SLC7A5: variants seen among roughly 807,000 people sequenced by gnomAD.
SLC7A5 encodes the protein solute carrier family 7 member 5, also known as large neutral amino acids transporter small subunit 1.
A neutral mutation model predicts 50.2 loss-of-function variants in SLC7A5; 23 were observed. That is an observed-to-expected ratio of 0.46 (90% CI 0.33 to 0.65). The LOEUF (loss-of-function observed/expected upper bound fraction) is 0.65, where lower values mean the gene tolerates loss of function less well. Ranked by LOEUF, SLC7A5 falls within the 30% of genes least tolerant of loss-of-function variation. SLC7A5 has a pLI of 0.02. For synonymous variants in SLC7A5, 393 were observed against 330.6 expected (o/e 1.19, Z -2.05); for missense variants, 578 against 684.4 (o/e 0.84, Z 1.73).
At chr16:87,854,123 C>T (rs373810777) in intron 1 of SLC7A5, among the ~76,000 whole-genome samples, 4 of 150,216 alleles carry the variant, frequency 2.7e-5, no homozygotes, top group East Asian at 4.0e-4. Context: ...CCAACCCAGC[C>T]GCTCCCCAAC....
At chr16:87,840,555 G>C in intron 3 of SLC7A5, 82 bp from the exon 4 acceptor site, 1 of 1,238,728 alleles carries the variant, frequency 8.1e-7, no homozygotes, top group African/African-American at 1.5e-5. Flanking sequence ...TCCCAGGGCA[G>C]CTGGTGAGCC....
At chr16:87,868,665 C>G (rs1036095301) in intron 1 of SLC7A5, among the ~76,000 whole-genome samples, 4 of 152,178 alleles carry the variant, frequency 2.6e-5, no homozygotes, top group African/African-American at 9.7e-5. Flanking sequence ...ACCCTGCTGT[C>G]CCGTCACTGA....
intron 1 of SLC7A5, among the ~76,000 whole-genome samples, chr16:87,855,976 C>T (rs1305445207): frequency 1.3e-5 from 2 of 152,168 alleles, no homozygotes; most frequent in Non-Finnish European, 2.9e-5. Context: ...CACCTGCCCC[C>T]GAGCCAGGCA....
At chr16:87,866,468 T>A (rs1244371542) in intron 1 of SLC7A5, among the ~76,000 whole-genome samples, 2 of 151,834 alleles carry the variant, frequency 1.3e-5, no homozygotes, top group Non-Finnish European at 2.9e-5. Flanking sequence ...GCCCAGCTGA[T>A]TTTTGCTTTT....
rs139595946 is a variant in SLC7A5 at position 87,835,529 on chromosome 16, G to A, written c.1291-938C>T. On this transcript the variant is annotated intron_variant, in intron 8 of 9. Transcript: ENST00000261622. ...GTTTGAGACGGAGTCTCACTCTGTCGTCCAGGCTGGAGTACAGTGGCGCGA... is the reference window on the plus strand; with the variant it reads ...GTTTGAGACGGAGTCTCACTCTGTCATCCAGGCTGGAGTACAGTGGCGCGA... 3.1e-3 allele frequency among the ~76,000 whole-genome samples: 466 copies of A among 152,308 alleles called. 1 individual carries two copies. Among genetic ancestry groups the A allele is most frequent in the African/African-American group, 0.01 (436 of 41,570 alleles).
chr16:87,845,594 G>A (rs1039802307), intron 2 of SLC7A5, among the ~76,000 whole-genome samples: 2 of 151,512 alleles, frequency 1.3e-5, no homozygotes, highest in East Asian at 1.9e-4. Flanking sequence ...TGCCTGTTTC[G>A]CTCTGGCCAT....
At position 87,834,518 on chromosome 16, in the gene SLC7A5, G is replaced by C; in HGVS notation, c.1364C>G (p.Pro455Arg). Residue 455 changes from proline (P) to arginine (R), a missense_variant, in exon 9 of 10, where the codon CCC becomes CGC. Physicochemically the swap from Pro to Arg is moderately radical, Grantham distance 103 (BLOSUM62 -2). This residue lies in a region of SLC7A5 where 465 missense variants were observed against 594.6 expected (regional missense o/e 0.78). Transcript: ENST00000261622. The stretch of plus-strand genomic sequence containing the variant: ...GGTGAAGCCGATGCCACACTCCACG[G>C]GTGTCTTCCAGAAGGAGACGGCGAT... ...FLIAVSFWKTPVECGIGFTII... is the reference protein window; with the variant it reads ...FLIAVSFWKTRVECGIGFTII... 1 of 1,596,368 alleles carries C rather than the reference G, an allele frequency of 6.3e-7. No individual in the cohort carries two copies. Among genetic ancestry groups the C allele is most frequent in the Non-Finnish European group, 8.5e-7 (1 of 1,172,870 alleles).
At chr16:87,863,143 G>A (rs543496927) in intron 1 of SLC7A5, among the ~76,000 whole-genome samples, 169 of 152,312 alleles carry the variant, frequency 1.1e-3, no homozygotes, top group Middle Eastern at 0.01. Flanking sequence ...ACACCTATGC[G>A]CTTGGAGAAG....
rs1322086698 is a variant in SLC7A5, at chr16:87,841,190, G to C, written c.665-35C>G. 7.8e-6 allele frequency: 11 copies of C among 1,405,030 alleles called. No homozygotes were observed. The highest frequency in any genetic ancestry group is 2.3e-5 in the East Asian group (1 of 43,836). The allele number at this position is 1,405,030 out of a possible 1,614,324, so 87.0% of individuals were successfully genotyped here. On this transcript the variant is annotated intron_variant, in intron 2 of 9. Coordinates refer to ENST00000261622, the MANE Select transcript of SLC7A5 (RefSeq NM_003486.7). This position sits in a 1 kb window ranked among gnomAD's most constrained non-coding sequence, Gnocchi z 4.8. ...CCAAAGAAAGGAATGCTGGGTTAGA[G>C]AGCGCTGAACAGAGGTCATGCTACC...
intron 2 of SLC7A5, among the ~76,000 whole-genome samples, chr16:87,849,958 C>T (rs1352320145): frequency 6.6e-6 from 1 of 152,232 alleles, no homozygotes; most frequent in Non-Finnish European, 1.5e-5. Context: ...ACACCTGCTG[C>T]AGACTTTGTA....
At chr16:87,834,647 A>G in intron 8 of SLC7A5, 56 bp from the exon 9 acceptor site, 1 of 1,545,478 alleles carries the variant, frequency 6.5e-7, no homozygotes, top group Non-Finnish European at 8.8e-7. Context: ...TCCCTCCCCC[A>G]TGCCCCGAGG....
rs1433662557 is a variant in SLC7A5, at chr16:87,860,653, TAC to T, written c.538+8230_538+8231del. On this transcript the variant is annotated intron_variant, in intron 1 of 9. Transcript: ENST00000261622. The surrounding 1 kb of genome is among the most constrained non-coding windows in gnomAD (Gnocchi z 4.8). ...TCCGGATAAATCTCTTCAAACATTT[TAC>T]AGAGTCTGGCTTTCTCGTTAACAAG... is the stretch of plus-strand genomic sequence containing the variant. Among the ~76,000 whole-genome samples the T allele has an allele frequency of 1.3e-5, 2 of 152,190 alleles. No individual in the cohort carries two copies. The highest frequency in any genetic ancestry group is 2.1e-4 in the South Asian group (1 of 4,836).
rs372894326 is a variant in SLC7A5 at position 87,860,399 on chromosome 16, C to CATAT, written c.538+8482_538+8485dup. Reference sequence around the variant, plus strand: ...ACACACACACACACACACACACACACATATATATATAAAGAAAAAGGAAAT... The same window carrying CATAT: ...ACACACACACACACACACACACACACATATATATATATATAAAGAAAAAGGAAAT... On this transcript the variant is annotated intron_variant, in intron 1 of 9. Transcript: ENST00000261622. This position sits in a 1 kb window ranked among gnomAD's most constrained non-coding sequence, Gnocchi z 4.8. 9.4e-5 allele frequency among the ~76,000 whole-genome samples: 7 copies of CATAT among 74,496 alleles called. No homozygotes were observed. The highest frequency in any genetic ancestry group is 2.8e-4 in the African/African-American group (5 of 18,080). 48.9% of individuals were successfully genotyped at this position (74,496 alleles called of 152,430 possible).
chr16:87,869,067 T>C lies in SLC7A5; in HGVS notation c.356A>G (p.Tyr119Cys), dbSNP rs1194892077. 2.5e-6 allele frequency: 4 copies of C among 1,611,926 alleles called. No individual in the cohort carries two copies. The highest frequency in any genetic ancestry group is 1.7e-5 in the Admixed American group (1 of 60,022). ...TISKSGGDYA[Y>C]MLEVYGSLPA... ...CAGCGAGCCGTAGACCTCCAGCATG[T>C]AGGCGTAGTCGCCGCCCGATTTGGA... is the stretch of plus-strand genomic sequence containing the variant. The change falls in exon 1 of 10, where the codon TAC (tyrosine) becomes TGC (cysteine). Residue 119 changes from tyrosine to cysteine, a missense_variant. This residue lies in a region of SLC7A5 where 465 missense variants were observed against 594.6 expected (regional missense o/e 0.78). Coordinates refer to ENST00000261622, the MANE Select transcript of SLC7A5 (RefSeq NM_003486.7).
rs562198928 is a variant in SLC7A5, at chr16:87,846,093, G to C, written c.665-4938C>G. Among the ~76,000 whole-genome samples the C allele has an allele frequency of 3.9e-5, 6 of 152,314 alleles. No homozygotes were observed. In the East Asian group the frequency reaches 9.7e-4, roughly 25 times the overall value. On this transcript the variant is annotated intron_variant, in intron 2 of 9. Coordinates refer to ENST00000261622, the MANE Select transcript of SLC7A5 (RefSeq NM_003486.7). ...GCCCAAAAGAGGTGCCCTGAGTCGC[G>C]AAGTACCCACCCTTGGGGCAGCCAA...
At chr16:87,856,218 T>C (rs1328678971) in intron 1 of SLC7A5, among the ~76,000 whole-genome samples, 1 of 152,222 alleles carries the variant, frequency 6.6e-6, no homozygotes, top group Admixed American at 6.5e-5. Flanking sequence ...TCATCTGTAA[T>C]GACAGGCTGT....
At chr16:87,855,496 G>A (rs1289296441) in intron 1 of SLC7A5, among the ~76,000 whole-genome samples, 1 of 152,118 alleles carries the variant, frequency 6.6e-6, no homozygotes, top group East Asian at 1.9e-4. Flanking sequence ...TGTAAACCAG[G>A]AGGCTGCCTT....
chr16:87,845,101 C>T (rs550612534), intron 2 of SLC7A5, among the ~76,000 whole-genome samples: 4 of 152,304 alleles, frequency 2.6e-5, no homozygotes, highest in Admixed American at 1.3e-4. Context: ...CTGCCAGGAC[C>T]AGGACCGTCT....
rs186578417 is a variant in SLC7A5 at position 87,838,630 on chromosome 16, A to G, written c.1043+84T>C. 1,757 of 1,077,606 alleles carry G rather than the reference A, an allele frequency of 1.6e-3. 24 individuals carry two copies. The highest frequency in any genetic ancestry group is 2.5e-4 in the Non-Finnish European group (171 of 692,190). 66.8% of individuals were successfully genotyped at this position (1,077,606 alleles called of 1,614,324 possible). On this transcript the variant is annotated intron_variant, in intron 6 of 9. Coordinates refer to ENST00000261622, the MANE Select transcript of SLC7A5 (RefSeq NM_003486.7). ...TATGCATCCCCAGTATCACAGAGAC[A>G]AACCTTTTACAGACATGGAACATGT...
Sources: gnomAD v4.1 joint callset for allele counts (sites outside exome capture counted in the v4.1 genomes callset) on GRCh38, gnomAD v4.1.1 for gene constraint, gnomAD v4.1.1 regional missense constraint, Gnocchi (gnomAD v3.1) non-coding constraint, MANE v1.5 for transcripts, NCBI Gene and HGNC (gene_info 2026-07-23, HGNC 2026-07-21) for gene names.